The following NDEL1 variants were observed in gnomAD, a reference collection of about 807,000 sequenced individuals.
NDEL1 encodes the protein nuclear distribution protein nudE-like 1.
NDEL1 carries 9 observed loss-of-function variants against 45.7 expected under a neutral mutation model. The observed-to-expected ratio is 0.20, with a 90% confidence interval of 0.12 to 0.34. The LOEUF (loss-of-function observed/expected upper bound fraction) is 0.34. Ranked by LOEUF, NDEL1 falls within the 10% of genes least tolerant of loss-of-function variation. The probability of loss-of-function intolerance (pLI) is 1.00; values close to 1 mark genes in which losing one functional copy is unlikely to be tolerated. For missense variants in NDEL1, 306 were observed against 406.2 expected (o/e 0.75, Z 2.12); for synonymous variants, 133 against 158.6 (o/e 0.84, Z 1.21).
intron 1 of NDEL1, among the ~76,000 whole-genome samples, chr17:8,440,051 T>G (rs1407334756): frequency 6.6e-6 from 1 of 152,212 alleles, no homozygotes; most frequent in Non-Finnish European, 1.5e-5. Flanking sequence ...TGACTTATTC[T>G]TGGTTAAATG....
At chr17:8,438,504 A>G (rs1822117381) in intron 1 of NDEL1, among the ~76,000 whole-genome samples, 1 of 152,068 alleles carries the variant, frequency 6.6e-6, no homozygotes, top group African/African-American at 2.4e-5. Flanking sequence ...ATTATTTGTA[A>G]ATAATCTGAT....
intron 1 of NDEL1, among the ~76,000 whole-genome samples, chr17:8,415,168 CTCTCTCTT>C (rs1597509721): frequency 6.6e-6 from 1 of 151,256 alleles, no homozygotes; most frequent in South Asian, 2.1e-4. Flanking sequence ...CCCTCTCTCC[CTCTCTCTT>C]TCTCTCTTTC....
intron 1 of NDEL1, among the ~76,000 whole-genome samples, chr17:8,438,372 C>T (rs1321086222): frequency 6.6e-6 from 1 of 152,200 alleles, no homozygotes; most frequent in African/African-American, 2.4e-5. Flanking sequence ...GCCTGAATAT[C>T]TCCAGTTACA....
At position 8,466,687 on chromosome 17, in the gene NDEL1, G is replaced by A. The variant is rs188815349; in HGVS notation, c.945-243G>A. On this transcript the variant is annotated intron_variant, in intron 8 of 8. Coordinates refer to ENST00000334527, the MANE Select transcript of NDEL1 (RefSeq NM_030808.5). ...GGAAAGAATCAGGACTGTGGCTTCC[G>A]TGGCCAGTGTGCGGCAGTTGCCAAA... The A allele has an allele frequency of 6.3e-4, 337 of 532,490 alleles. 1 individual carries two copies. Among genetic ancestry groups the A allele is most frequent in the Admixed American group, 3.5e-3 (98 of 27,924 alleles). The allele number at this position is 532,490 out of a possible 1,614,324, so 33.0% of individuals were successfully genotyped here.
intron 6 of NDEL1, among the ~76,000 whole-genome samples, chr17:8,453,790 A>G (rs887782543): frequency 1.3e-5 from 2 of 152,232 alleles, no homozygotes; most frequent in Admixed American, 6.5e-5. Flanking sequence ...AACAGCTGAG[A>G]AAAATTTGAA....
intron 1 of NDEL1, among the ~76,000 whole-genome samples, chr17:8,442,675 A>G (rs1359138621): frequency 2.2e-5 from 3 of 138,568 alleles, no homozygotes; most frequent in Non-Finnish European, 4.6e-5. Flanking sequence ...TTAACCGTTC[A>G]TTCCTTTAAA....
chr17:8,443,454 G>A (rs1266616050), intron 1 of NDEL1, among the ~76,000 whole-genome samples: 3 of 152,154 alleles, frequency 2.0e-5, no homozygotes, highest in Non-Finnish European at 4.4e-5. Flanking sequence ...AGTTTTCCAT[G>A]CCTGAAAGAG....
intron 6 of NDEL1, among the ~76,000 whole-genome samples, chr17:8,451,528 T>C (rs892309268): frequency 2.6e-5 from 4 of 152,354 alleles, no homozygotes; most frequent in Middle Eastern, 3.4e-3. Context: ...TGGATGGACA[T>C]GCCCATTCTG....
In NDEL1 at chr17:8,445,840, G is replaced by A. The variant is rs778210300; in HGVS notation, c.216G>A (p.Leu72=). The A allele has an allele frequency of 1.4e-5, 22 of 1,552,544 alleles. No homozygotes were observed. Among genetic ancestry groups the A allele is most frequent in the Non-Finnish European group, 1.9e-5 (22 of 1,154,992 alleles). ...NRDLQADNQR[L]KYEVEALKEK... is the part of the protein sequence containing the mutation. Reference sequence around the variant, plus strand: ...ACTTGCAGGCTGATAACCAAAGACTGAAATATGAAGTGGAGGCATTAAAGG... The same window carrying A: ...ACTTGCAGGCTGATAACCAAAGACTAAAATATGAAGTGGAGGCATTAAAGG... Residue 72 remains leucine, a synonymous_variant, in exon 3 of 9, where the codon CTG becomes CTA. Transcript: ENST00000334527.
At chr17:8,444,647 T>A in intron 2 of NDEL1, 1 of 274,356 alleles carries the variant, frequency 3.6e-6, no homozygotes, top group Admixed American at 5.2e-5. Flanking sequence ...CTTTGGCCCG[T>A]TTTGCATGCA....
chr17:8,435,150 T>C (rs1248978219), upstream of NDEL1, among the ~76,000 whole-genome samples: 2 of 152,178 alleles, frequency 1.3e-5, no homozygotes, highest in African/African-American at 2.4e-5. Flanking sequence ...ACTCCATTTC[T>C]TGGGGGACCT....
At chr17:8,451,897 A>G (rs1265113953) in intron 6 of NDEL1, among the ~76,000 whole-genome samples, 4 of 152,186 alleles carry the variant, frequency 2.6e-5, no homozygotes, top group Non-Finnish European at 5.9e-5. Flanking sequence ...GTGCTACTCA[A>G]TAGTCACCAG....
intron 1 of NDEL1, chr17:8,436,830 TG>T (rs1475502290): frequency 6.6e-6 from 1 of 152,208 alleles, no homozygotes; most frequent in East Asian, 1.9e-4. Context: ...GCCATTTCGA[TG>T]GGTAAATGGA....
intron 2 of NDEL1, among the ~76,000 whole-genome samples, chr17:8,445,445 G>A (rs190196470): frequency 6.6e-6 from 1 of 151,590 alleles, no homozygotes; most frequent in East Asian, 2.0e-4. Context: ...TCTGAGTTCT[G>A]TGGTGGAAGA....
At chr17:8,434,300 TCCG>T (rs1052645483), upstream of NDEL1, among the ~76,000 whole-genome samples, 4 of 152,266 alleles carry the variant, frequency 2.6e-5, no homozygotes, top group African/African-American at 9.6e-5. Context: ...CACTGCAACC[TCCG>T]CCTCCCGGGT....
At chr17:8,447,700 A>G (rs148146996) in intron 4 of NDEL1, among the ~76,000 whole-genome samples, 252 of 152,312 alleles carry the variant, frequency 1.7e-3, no homozygotes, top group African/African-American at 5.8e-3. Context: ...ACTGTTGCCA[A>G]ACTTTTATGC....
chr17:8,446,676 C>G, intron 3 of NDEL1, 78 bp from the exon 4 acceptor site: 1 of 1,478,600 alleles, frequency 6.8e-7, no homozygotes, highest in Non-Finnish European at 9.2e-7. Flanking sequence ...TCCCCCCCAC[C>G]CTTTTAACTT....
upstream of NDEL1, among the ~76,000 whole-genome samples, chr17:8,434,709 G>C (rs376016239): frequency 6.6e-6 from 1 of 152,182 alleles, no homozygotes; most frequent in South Asian, 2.1e-4. Context: ...AAGTCCGCTA[G>C]GGAATACACA....
downstream of NDEL1, among the ~76,000 whole-genome samples, chr17:8,472,537 C>T (rs1280129006): frequency 6.6e-6 from 1 of 152,042 alleles, no homozygotes; most frequent in South Asian, 2.1e-4. Flanking sequence ...TGGTGGCGGG[C>T]GCCTGTAATC....
Sources: allele counts gnomAD v4.1 joint callset (sites outside exome capture counted in the v4.1 genomes callset), GRCh38; gene constraint gnomAD v4.1.1; transcripts MANE v1.5; gene names NCBI Gene and HGNC (gene_info 2026-07-23, HGNC 2026-07-21).